SPAG16: variants seen among roughly 807,000 people sequenced by gnomAD.
SPAG16 encodes sperm associated antigen 16.
SPAG16 carries 86 observed loss-of-function variants against 80.4 expected under a neutral mutation model. The ratio of observed to expected loss-of-function variants is 1.07; its 90% CI spans 0.90 to 1.28. The LOEUF (loss-of-function observed/expected upper bound fraction) is 1.28, where lower values mean the gene tolerates loss of function less well. Ranked by LOEUF, SPAG16 falls within the 50% of genes most tolerant of loss-of-function variation. SPAG16 has a pLI of 0.00. For missense variants in SPAG16, 870 were observed against 765.3 expected (o/e 1.14, Z -1.61); for synonymous variants, 294 against 265.9 (o/e 1.11, Z -1.03).
At chr2:214,236,393 C>T (rs1689077968) in intron 15 of SPAG16, among the ~76,000 whole-genome samples, 2 of 152,134 alleles carry the variant, frequency 1.3e-5, no homozygotes, top group Non-Finnish European at 2.9e-5. Flanking sequence ...TGGCTCACGC[C>T]ACACTCCCAA....
chr2:213,761,810 G>A (rs2068672748), intron 10 of SPAG16, among the ~76,000 whole-genome samples: 1 of 152,122 alleles, frequency 6.6e-6, no homozygotes, highest in African/African-American at 2.4e-5. Flanking sequence ...AGGTTGCAGT[G>A]AGCCGAGATC....
chr2:214,174,323 A>G (rs1276562657), intron 15 of SPAG16, among the ~76,000 whole-genome samples: 1 of 151,992 alleles, frequency 6.6e-6, no homozygotes, highest in African/African-American at 2.4e-5. Context: ...TTGTATATCT[A>G]GAAAACCCCA....
At chr2:214,286,893 G>A (rs1693407280) in intron 15 of SPAG16, among the ~76,000 whole-genome samples, 1 of 152,202 alleles carries the variant, frequency 6.6e-6, no homozygotes, top group African/African-American at 2.4e-5. Flanking sequence ...TCACTTCCAT[G>A]AATCTCATCT....
intron 9 of SPAG16, among the ~76,000 whole-genome samples, chr2:213,410,323 A>C (rs2068892104): frequency 6.6e-6 from 1 of 152,198 alleles, no homozygotes; most frequent in African/African-American, 2.4e-5. Flanking sequence ...TATACCCTGA[A>C]GGAACTTACC....
At chr2:213,981,349 G>C (rs1361372021) in intron 12 of SPAG16, among the ~76,000 whole-genome samples, 8 of 152,158 alleles carry the variant, frequency 5.3e-5, no homozygotes, top group African/African-American at 1.9e-4. Flanking sequence ...CTTTGACTTT[G>C]GGATATTATA....
At chr2:214,097,611 A>G (rs1200020244) in intron 13 of SPAG16, among the ~76,000 whole-genome samples, 3 of 151,970 alleles carry the variant, frequency 2.0e-5, no homozygotes, top group African/African-American at 7.2e-5. Flanking sequence ...GGTGGAGGTC[A>G]TGTGGTTAGG....
chr2:214,245,256 A>C (rs756894740), intron 15 of SPAG16, among the ~76,000 whole-genome samples: 1 of 152,228 alleles, frequency 6.6e-6, no homozygotes, highest in Non-Finnish European at 1.5e-5. Flanking sequence ...TATCCACGCT[A>C]TTCCCGGCAT....
intron 10 of SPAG16, among the ~76,000 whole-genome samples, chr2:213,630,763 C>G (rs1244930697): frequency 6.6e-6 from 1 of 152,098 alleles, no homozygotes; most frequent in African/African-American, 2.4e-5. Context: ...GTACTTGTTT[C>G]TGACTAGTAC....
intron 15 of SPAG16, among the ~76,000 whole-genome samples, chr2:214,383,750 G>C (rs915345504): frequency 6.6e-6 from 1 of 152,068 alleles, no homozygotes; most frequent in African/African-American, 2.4e-5. Context: ...ATATGGGAGA[G>C]AGATTATGTA....
At chr2:213,766,415 A>G (rs1054803190) in intron 10 of SPAG16, among the ~76,000 whole-genome samples, 2 of 152,234 alleles carry the variant, frequency 1.3e-5, no homozygotes, top group African/African-American at 2.4e-5. Flanking sequence ...AAATACATCT[A>G]GTCACAGGTT....
At chr2:213,795,166 A>G (rs1056604501) in intron 10 of SPAG16, among the ~76,000 whole-genome samples, 1 of 152,190 alleles carries the variant, frequency 6.6e-6, no homozygotes, top group Non-Finnish European at 1.5e-5. Flanking sequence ...TCAATGTGGT[A>G]GTTGTGAGAT....
intron 5 of SPAG16, 74 bp from the exon 6 acceptor site, chr2:213,340,089 A>G: frequency 3.3e-6 from 3 of 917,482 alleles, no homozygotes; most frequent in East Asian, 2.6e-5. Flanking sequence ...ACAATACTGG[A>G]TTTGAACTCA....
At chr2:213,308,867 C>G (rs2063063557) in intron 3 of SPAG16, among the ~76,000 whole-genome samples, 1 of 152,080 alleles carries the variant, frequency 6.6e-6, no homozygotes. Context: ...AGTCCCGTTC[C>G]TCTCAAGCCT....
chr2:213,677,886 A>T (rs1319183992), intron 10 of SPAG16, among the ~76,000 whole-genome samples: 7 of 152,148 alleles, frequency 4.6e-5, no homozygotes, highest in Admixed American at 2.0e-4. Flanking sequence ...CTCCTCAGCA[A>T]ATGTAAAAGA....
At chr2:213,991,560 C>G (rs1402586568) in intron 12 of SPAG16, among the ~76,000 whole-genome samples, 2 of 152,098 alleles carry the variant, frequency 1.3e-5, no homozygotes, top group African/African-American at 4.8e-5. Context: ...TTTCCATTCC[C>G]TGGTGCTCCT....
intron 9 of SPAG16, among the ~76,000 whole-genome samples, chr2:213,481,542 AC>A (rs1471893200): frequency 6.6e-6 from 1 of 152,212 alleles, no homozygotes; most frequent in Non-Finnish European, 1.5e-5. Context: ...ATAAGCAATA[AC>A]TACATACTAT....
intron 15 of SPAG16, among the ~76,000 whole-genome samples, chr2:214,285,135 T>C (rs1462541001): frequency 2.0e-5 from 3 of 152,198 alleles, no homozygotes; most frequent in African/African-American, 7.2e-5. Context: ...TGCCAATATG[T>C]ATCTTTTATC....
At position 213,638,000 on chromosome 2, in the gene SPAG16, G is replaced by A. The variant is rs556701478; in HGVS notation, c.1070+147910G>A. ...TCTCGATTTCCTGACCTCGTGATCC[G>A]CCCGTCTTGGCCTCCCAGAGTGCTG... is the stretch of plus-strand genomic sequence containing the variant. On this transcript the variant is annotated intron_variant, in intron 10 of 15. Coordinates refer to ENST00000331683, the MANE Select transcript of SPAG16 (RefSeq NM_024532.5). 5.9e-5 allele frequency among the ~76,000 whole-genome samples: 9 copies of A among 152,220 alleles called. 1 individual carries two copies. Among genetic ancestry groups the A allele is most frequent in the African/African-American group, 9.6e-5 (4 of 41,554 alleles).
chr2:214,260,496 T>C (rs889035534), intron 15 of SPAG16, among the ~76,000 whole-genome samples: 9 of 152,052 alleles, frequency 5.9e-5, no homozygotes, highest in African/African-American at 2.2e-4. Flanking sequence ...TTAGAGAAAA[T>C]AATTTAGTCC....
Sources: gnomAD v4.1 joint callset for allele counts (sites outside exome capture counted in the v4.1 genomes callset) on GRCh38, gnomAD v4.1.1 for gene constraint, MANE v1.5 for transcripts, NCBI Gene and HGNC (gene_info 2026-07-23, HGNC 2026-07-21) for gene names.